Variants in STPG2 observed in about 807,000 individuals in gnomAD.
STPG2 encodes sperm tail PG-rich repeat containing 2, also known as sperm-tail PG-rich repeat-containing protein 2.
In STPG2, 56 loss-of-function variants were observed where a neutral mutation model predicts 54.2. That is an observed-to-expected ratio of 1.03 (90% CI 0.83 to 1.29). The LOEUF (loss-of-function observed/expected upper bound fraction) is 1.29, where lower values mean the gene tolerates loss of function less well. STPG2 is among the 50% of genes most tolerant of loss of function. The pLI, the probability that STPG2 is intolerant of heterozygous loss-of-function variation, is 0.00. For synonymous variants in STPG2, 200 were observed against 181.8 expected, an observed-to-expected ratio of 1.10 and a Z score of -0.81; for missense variants, 596 against 544.9, an observed-to-expected ratio of 1.09 and a Z score of -0.93.
chr4:98,087,778 T>C (rs535073957), intron 5 of STPG2, among the ~76,000 whole-genome samples: 1 of 152,242 alleles, frequency 6.6e-6, no homozygotes, highest in Admixed American at 6.5e-5. Context: ...GCCAGGATGG[T>C]CTCAATCTCC....
At chr4:98,137,459 G>A (rs1740165186) in intron 1 of STPG2, among the ~76,000 whole-genome samples, 1 of 151,740 alleles carries the variant, frequency 6.6e-6, no homozygotes, top group Non-Finnish European at 1.5e-5. Context: ...TCTTCCCACT[G>A]ATGGCAGATC....
chr4:97,638,426 A>C (rs1433796041), intron 10 of STPG2, among the ~76,000 whole-genome samples: 1 of 152,202 alleles, frequency 6.6e-6, no homozygotes, highest in Non-Finnish European at 1.5e-5. Context: ...TTCAGGACAT[A>C]GGCATGGGCA....
intron 4 of STPG2, among the ~76,000 whole-genome samples, chr4:97,457,806 A>C (rs1276277022): frequency 6.6e-6 from 1 of 152,220 alleles, no homozygotes; most frequent in Admixed American, 6.5e-5. Flanking sequence ...TTAAGCATGA[A>C]ATTTTAAACT....
At chr4:97,496,229 T>G (rs759745123) in intron 4 of STPG2, among the ~76,000 whole-genome samples, 12 of 151,682 alleles carry the variant, frequency 7.9e-5, no homozygotes, top group Non-Finnish European at 1.0e-4. Flanking sequence ...GTAAAGAGAA[T>G]AGCAAAAATA....
intron 4 of STPG2, among the ~76,000 whole-genome samples, chr4:97,492,236 C>T (rs894572944): frequency 6.6e-5 from 10 of 151,370 alleles, no homozygotes; most frequent in African/African-American, 1.7e-4. Context: ...ATTAGAACAC[C>T]GGAAATTGTA....
chr4:97,542,223 G>C (rs577536650), intron 4 of STPG2, among the ~76,000 whole-genome samples: 152 of 152,292 alleles, frequency 1.0e-3, no homozygotes, highest in Non-Finnish European at 1.4e-3. Context: ...CTACTCATCT[G>C]ACAAAGGGCT....
chr4:97,721,760 T>C (rs1724455869), intron 9 of STPG2, among the ~76,000 whole-genome samples: 1 of 152,088 alleles, frequency 6.6e-6, no homozygotes, highest in South Asian at 2.1e-4. Flanking sequence ...TTACAAAAAT[T>C]ACATTTACCT....
At chr4:98,030,816 G>A (rs2149299659) in intron 5 of STPG2, among the ~76,000 whole-genome samples, 1 of 152,282 alleles carries the variant, frequency 6.6e-6, no homozygotes, top group East Asian at 1.9e-4. Context: ...ACGGTGCTGA[G>A]ATAACTGGCT....
chr4:97,792,449 T>C (rs1727032940), intron 9 of STPG2, among the ~76,000 whole-genome samples: 1 of 152,158 alleles, frequency 6.6e-6, no homozygotes, highest in African/African-American at 2.4e-5. Flanking sequence ...GTAACACTTC[T>C]CACCACCCTC....
At chr4:98,112,630 G>A (rs928243133) in intron 3 of STPG2, among the ~76,000 whole-genome samples, 9 of 152,068 alleles carry the variant, frequency 5.9e-5, no homozygotes, top group African/African-American at 2.2e-4. Flanking sequence ...AGATGCAAAC[G>A]TGTACAGAAA....
At chr4:97,808,553 A>G (rs1325320467) in intron 9 of STPG2, among the ~76,000 whole-genome samples, 1 of 151,822 alleles carries the variant, frequency 6.6e-6, no homozygotes, top group Non-Finnish European at 1.5e-5. Context: ...ACGCAGAAAT[A>G]GAAGATAGGC....
At chr4:97,943,773 T>C in intron 8 of STPG2, 124 bp downstream of exon 8, 1 of 609,078 alleles carries the variant, frequency 1.6e-6, no homozygotes, top group Non-Finnish European at 2.7e-6. Context: ...AGTATCGGTC[T>C]AGCCAAGGAG....
At chr4:97,514,234 A>C (rs1048514894) in intron 4 of STPG2, among the ~76,000 whole-genome samples, 4 of 152,102 alleles carry the variant, frequency 2.6e-5, no homozygotes, top group Non-Finnish European at 5.9e-5. Flanking sequence ...CAGCGTCATG[A>C]ATATATTGCA....
intron 7 of STPG2, among the ~76,000 whole-genome samples, chr4:97,969,214 T>A (rs1415381048): frequency 1.3e-5 from 2 of 152,236 alleles, no homozygotes; most frequent in Non-Finnish European, 2.9e-5. Flanking sequence ...TTACTGCTGA[T>A]TAATATCGTG....
chr4:98,080,782 A>G (rs783949), intron 5 of STPG2, among the ~76,000 whole-genome samples: 65,263 of 152,140 alleles, frequency 0.43, 14,737 homozygotes, highest in Admixed American at 0.55. Context: ...GCAGTGCTTT[A>G]AAATGGGACT....
At chr4:98,087,625 A>G (rs1738562900) in intron 5 of STPG2, among the ~76,000 whole-genome samples, 1 of 148,574 alleles carries the variant, frequency 6.7e-6, no homozygotes, top group African/African-American at 2.5e-5. Flanking sequence ...CAGTGCCGCA[A>G]TCTCGGCTCA....
At chr4:97,557,020 C>T (rs1478067292), downstream of STPG2, among the ~76,000 whole-genome samples, 1 of 151,942 alleles carries the variant, frequency 6.6e-6, no homozygotes, top group Non-Finnish European at 1.5e-5. Flanking sequence ...GTCTCTACTA[C>T]AAATACAAAA....
intron 9 of STPG2, among the ~76,000 whole-genome samples, chr4:97,786,898 A>T (rs1347855808): frequency 6.6e-6 from 1 of 152,116 alleles, no homozygotes; most frequent in Non-Finnish European, 1.5e-5. Flanking sequence ...TTACTGTGGA[A>T]ATTTATAAAT....
At chr4:97,676,033 GTATA>G (rs934425334) in intron 10 of STPG2, among the ~76,000 whole-genome samples, 1 of 142,602 alleles carries the variant, frequency 7.0e-6, no homozygotes, top group Non-Finnish European at 1.5e-5. Context: ...TATAAATTTA[GTATA>G]TATAATTACT....
Sources: gnomAD v4.1 joint callset for allele counts (sites outside exome capture counted in the v4.1 genomes callset) on GRCh38, gnomAD v4.1.1 for gene constraint, MANE v1.5 for transcripts, NCBI Gene and HGNC (gene_info 2026-07-23, HGNC 2026-07-21) for gene names.